The following FBXL18 variants were observed in gnomAD, a reference collection of about 807,000 sequenced individuals.
FBXL18 encodes the protein F-box/LRR-repeat protein 18.
Under a neutral mutation model 46.0 loss-of-function variants are expected in FBXL18, and 36 were observed. The observed-to-expected ratio is 0.78, with a 90% confidence interval of 0.60 to 1.03. FBXL18 has a LOEUF of 1.03. Among genes scored for constraint, FBXL18 ranks in the 50% least tolerant of loss-of-function variants. The probability of loss-of-function intolerance (pLI) is 0.00; values close to 1 mark genes in which losing one functional copy is unlikely to be tolerated. For synonymous variants in FBXL18, 557 were observed against 465.3 expected, an observed-to-expected ratio of 1.20 and a Z score of -2.54; for missense variants, 977 against 1,004.1, an observed-to-expected ratio of 0.97 and a Z score of 0.36.
chr7:5,494,778 C>T (rs886226597), intron 3 of FBXL18, among the ~76,000 whole-genome samples: 30 of 152,308 alleles, frequency 2.0e-4, no homozygotes, highest in African/African-American at 1.2e-4. Flanking sequence ...AGGACGGTGC[C>T]GTCGTGTGGT....
chr7:5,489,163 C>T (rs1014417063), intron 4 of FBXL18: 7 of 467,594 alleles, frequency 1.5e-5, no homozygotes, highest in Non-Finnish European at 3.0e-5. Context: ...AGATGAGAGC[C>T]GTGAGGACAG....
At chr7:5,492,289 G>A (rs532017693) in intron 3 of FBXL18, among the ~76,000 whole-genome samples, 7 of 151,536 alleles carry the variant, frequency 4.6e-5, no homozygotes, top group South Asian at 2.1e-4. Flanking sequence ...CAGATGTGGG[G>A]ATGTGGCGCT....
chr7:5,470,588 C>CA (rs529045516), intron 4 of FBXL18, among the ~76,000 whole-genome samples: 2 of 152,164 alleles, frequency 1.3e-5, no homozygotes, highest in Non-Finnish European at 2.9e-5. Flanking sequence ...GCCAGCCTTC[C>CA]ACAGGGCAGG....
chr7:5,484,127 T>C (rs192784765), intron 4 of FBXL18, among the ~76,000 whole-genome samples: 35 of 152,238 alleles, frequency 2.3e-4, no homozygotes, highest in African/African-American at 8.4e-4. Context: ...TGTACTTGAT[T>C]TGCATCAAAC....
chr7:5,488,456 G>A lies in FBXL18; in HGVS notation c.2000+2775C>T, dbSNP rs190063612. On this transcript the variant is annotated intron_variant, in intron 4 of 4. Coordinates refer to ENST00000382368, the MANE Select transcript of FBXL18 (RefSeq NM_024963.6). ...CCTGAACTGCTTGGGGATCGTGGAC[G>A]TTCTCCGCTGCAGCAAGGAAACAGA... Among the ~76,000 whole-genome samples, 554 of 151,828 alleles carry A rather than the reference G, an allele frequency of 3.6e-3. 3 individuals are homozygous for A. Among genetic ancestry groups the A allele is most frequent in the Non-Finnish European group, 6.2e-3 (422 of 68,038 alleles).
intron 4 of FBXL18, among the ~76,000 whole-genome samples, chr7:5,461,517 C>A (rs1369537978): frequency 6.6e-6 from 1 of 152,206 alleles, no homozygotes; most frequent in Non-Finnish European, 1.5e-5. Context: ...GTGGTGAGTG[C>A]CTGTAGTCCA....
intron 4 of FBXL18, among the ~76,000 whole-genome samples, chr7:5,463,721 T>TATATATATA (rs1323348299): frequency 1.4e-5 from 1 of 69,934 alleles, no homozygotes; most frequent in Non-Finnish European, 2.6e-5. Flanking sequence ...TATTTATTTA[T>TATATATATA]TTATTTATTT....
intron 4 of FBXL18, among the ~76,000 whole-genome samples, chr7:5,463,702 A>ATATTTATTTATTTATTTATT (rs1349633532): frequency 8.7e-5 from 6 of 69,030 alleles, no homozygotes; most frequent in African/African-American, 3.6e-4. Context: ...AACTATATAT[A>ATATTTATTTATTTATTTATT]TATTTATTTA....
At position 5,498,308 on chromosome 7, in the gene FBXL18, G is replaced by A. The variant is rs184923895; in HGVS notation, c.1781+2180C>T. Among the ~76,000 whole-genome samples the A allele has an allele frequency of 4.1e-3, 624 of 152,136 alleles. 4 individuals are homozygous for A. Among genetic ancestry groups the A allele is most frequent in the Non-Finnish European group, 6.3e-3 (428 of 68,002 alleles). On this transcript the variant is annotated intron_variant, in intron 3 of 4. Coordinates refer to ENST00000382368, the MANE Select transcript of FBXL18 (RefSeq NM_024963.6). ...TCACCGTGTTAGCCAGGATGGTCTC[G>A]ATCTCCTGACCTTATGATCCACCCG...
chr7:5,513,514 A>AG, intron 1 of FBXL18, 143 bp downstream of exon 1: 1 of 940,500 alleles, frequency 1.1e-6, no homozygotes, highest in Non-Finnish European at 1.7e-6. Flanking sequence ...AGCAGGGGCA[A>AG]GGCCAGGGTC....
chr7:5,469,957 T>C (rs989595629), intron 4 of FBXL18, among the ~76,000 whole-genome samples: 1 of 152,098 alleles, frequency 6.6e-6, no homozygotes, highest in African/African-American at 2.4e-5. Flanking sequence ...CGTGTGTGAA[T>C]GTCAGAGTGT....
chr7:5,463,738 T>TA (rs1783297814), intron 4 of FBXL18, among the ~76,000 whole-genome samples: 3 of 63,576 alleles, frequency 4.7e-5, no homozygotes, highest in African/African-American at 1.4e-4. Context: ...ATTTTTTTTT[T>TA]TTTTTTTTTT....
intron 4 of FBXL18, among the ~76,000 whole-genome samples, chr7:5,485,115 G>A (rs1460172098): frequency 6.6e-6 from 1 of 152,174 alleles, no homozygotes; most frequent in East Asian, 1.9e-4. Context: ...AAGGAATGAA[G>A]CAGGGGGGCC....
intron 3 of FBXL18, among the ~76,000 whole-genome samples, chr7:5,492,659 T>C (rs977170282): frequency 2.0e-5 from 3 of 152,052 alleles, no homozygotes; most frequent in Non-Finnish European, 4.4e-5. Context: ...TCCTGCATGA[T>C]GGGGACTCTA....
intron 3 of FBXL18, 32 bp from the exon 4 acceptor site, chr7:5,491,481 AG>A: frequency 6.6e-7 from 1 of 1,524,882 alleles, no homozygotes. Flanking sequence ...GTGAGGTCCG[AG>A]GGAGGGGCTC....
Position 5,481,533 on chromosome 7 carries a change from C to CA in FBXL18, c.*241dup, listed in dbSNP as rs1337358967. The stretch of plus-strand genomic sequence containing the variant: ...GGTCAGCCTGGTTCAGCCAGCCCCC[C>CA]ACATCGACCGTCCCCCGAGCCCCCT... On this transcript the variant is annotated 3_prime_UTR_variant, in exon 5 of 5. Coordinates refer to ENST00000382368, the MANE Select transcript of FBXL18 (RefSeq NM_024963.6). 4.0e-5 allele frequency: 19 copies of CA among 470,876 alleles called. No homozygotes were observed. Among genetic ancestry groups the CA allele is most frequent in the African/African-American group, 3.0e-4 (15 of 49,660 alleles). 29.2% of individuals were successfully genotyped at this position (470,876 alleles called of 1,614,324 possible). A position where few individuals can be genotyped will look rare whatever the true frequency, so the allele number is the denominator to read the frequency against.
intron 4 of FBXL18, among the ~76,000 whole-genome samples, chr7:5,487,245 G>A (rs1783799772): frequency 6.6e-6 from 1 of 152,268 alleles, no homozygotes; most frequent in South Asian, 2.1e-4. Flanking sequence ...CGTGGAGCCA[G>A]GCACAGGCAC....
At chr7:5,463,729 T>TATATATATATATATATA (rs1562672305) in intron 4 of FBXL18, among the ~76,000 whole-genome samples, 3 of 10,058 alleles carry the variant, frequency 3.0e-4, no homozygotes, top group Admixed American at 9.8e-4. Flanking sequence ...TATTTATTTA[T>TATATATATATATATATA]TTTTTTTTTT....
In FBXL18 at chr7:5,513,779, C is replaced by T. The variant is rs572374087; in HGVS notation, c.-105G>A. 5 of 1,469,458 alleles carry T rather than the reference C, an allele frequency of 3.4e-6. No individual in the cohort carries two copies. In the East Asian group the frequency reaches 1.3e-4, roughly 37 times the overall value. The allele number at this position is 1,469,458 out of a possible 1,614,324, so 91.0% of individuals were successfully genotyped here. ...CGGCGCGTCCACCGCTCAACCGAGA[C>T]CCCGGCAAGGAGCGGGCTCTCGTCA... On this transcript the variant is annotated 5_prime_UTR_variant, in exon 1 of 5. Transcript: ENST00000382368.
Sources: allele counts gnomAD v4.1 joint callset (sites outside exome capture counted in the v4.1 genomes callset), GRCh38; gene constraint gnomAD v4.1.1; transcripts MANE v1.5; gene names NCBI Gene and HGNC (gene_info 2026-07-23, HGNC 2026-07-21).